UBE2W: variants seen among roughly 807,000 people sequenced by gnomAD.
The protein encoded by UBE2W is ubiquitin conjugating enzyme E2 W, also known as ubiquitin-conjugating enzyme E2 W.
Under a neutral mutation model 27.2 loss-of-function variants are expected in UBE2W, and 18 were observed. The ratio of observed to expected loss-of-function variants is 0.66; its 90% CI spans 0.46 to 0.98. UBE2W has a LOEUF of 0.98. Among genes scored for constraint, UBE2W ranks in the 50% least tolerant of loss-of-function variants. The probability of loss-of-function intolerance (pLI) is 0.00; values close to 1 mark genes in which losing one functional copy is unlikely to be tolerated. For missense variants in UBE2W, 90 were observed against 180.2 expected (o/e 0.50, Z 2.87); for synonymous variants, 53 against 57.2 (o/e 0.93, Z 0.33).
chr8:73,858,872 TTGCG>T (rs1255076026), intron 1 of UBE2W, among the ~76,000 whole-genome samples: 7 of 110,428 alleles, frequency 6.3e-5, no homozygotes, highest in African/African-American at 2.5e-4. Context: ...AGGGGGGTTT[TTGCG>T]TGCGTGTGTG....
chr8:73,785,705 C>A (rs1043334004), downstream of UBE2W, among the ~76,000 whole-genome samples: 1 of 152,162 alleles, frequency 6.6e-6, no homozygotes, highest in South Asian at 2.1e-4. Flanking sequence ...TATTCTCCTG[C>A]CTCAGCCTCC....
intron 1 of UBE2W, among the ~76,000 whole-genome samples, chr8:73,878,284 T>G (rs1812322258): frequency 6.6e-6 from 1 of 152,130 alleles, no homozygotes; most frequent in Non-Finnish European, 1.5e-5. Context: ...CCGAGCAGTC[T>G]GGGGGGCCCG....
chr8:73,838,675 G>A (rs1178261320), intron 1 of UBE2W, among the ~76,000 whole-genome samples: 1 of 152,194 alleles, frequency 6.6e-6, no homozygotes, highest in Non-Finnish European at 1.5e-5. Context: ...CCCTATGACT[G>A]GGAGTTACTA....
chr8:73,830,161 A>G (rs975033310), intron 2 of UBE2W, among the ~76,000 whole-genome samples: 2 of 152,162 alleles, frequency 1.3e-5, no homozygotes, highest in African/African-American at 4.8e-5. Context: ...TGTACCAAAG[A>G]TAGTTTAAAA....
chr8:73,792,444 C>A lies in UBE2W; in HGVS notation c.*1658G>T. On this transcript the variant is annotated 3_prime_UTR_variant, in exon 6 of 6. Transcript: ENST00000602593. Reference sequence around the variant, plus strand: ...ATACTTTGAGTGTAAAATTATATGCCCTTAATTAACAACATGTACAAAGCT... The same window carrying A: ...ATACTTTGAGTGTAAAATTATATGCACTTAATTAACAACATGTACAAAGCT... The A allele has an allele frequency of 1.0e-6, 1 of 984,914 alleles. No individual in the cohort carries two copies. The highest frequency in any genetic ancestry group is 1.2e-6 in the Non-Finnish European group (1 of 829,658). The allele number at this position is 984,914 out of a possible 1,614,324, so 61.0% of individuals were successfully genotyped here.
chr8:73,844,292 C>T (rs202125411), intron 1 of UBE2W, among the ~76,000 whole-genome samples: 1 of 151,632 alleles, frequency 6.6e-6, no homozygotes, highest in African/African-American at 2.4e-5. Flanking sequence ...GGATTGCAGG[C>T]GCGCGCCGCC....
chr8:73,811,309 C>G (rs573321418), intron 3 of UBE2W, among the ~76,000 whole-genome samples: 1 of 152,252 alleles, frequency 6.6e-6, no homozygotes, highest in East Asian at 1.9e-4. Context: ...TCTATCATGT[C>G]TCAGCAATGT....
intron 1 of UBE2W, among the ~76,000 whole-genome samples, chr8:73,864,701 C>G (rs1357602416): frequency 1.6e-5 from 2 of 128,904 alleles, no homozygotes; most frequent in African/African-American, 6.2e-5. Context: ...CTCAGCCTCC[C>G]GAGTAGCTGG....
At chr8:73,808,368 G>A (rs1250425262) in intron 4 of UBE2W, among the ~76,000 whole-genome samples, 3 of 152,162 alleles carry the variant, frequency 2.0e-5, no homozygotes, top group Non-Finnish European at 4.4e-5. Context: ...CCAAGTAGCT[G>A]GGACTACAGG....
chr8:73,818,153 T>C (rs1012571931), intron 3 of UBE2W, among the ~76,000 whole-genome samples: 1 of 152,228 alleles, frequency 6.6e-6, no homozygotes, highest in Non-Finnish European at 1.5e-5. Flanking sequence ...AGCATACAAT[T>C]CACACTTCAG....
At chr8:73,802,923 T>C (rs1463861195) in intron 5 of UBE2W, among the ~76,000 whole-genome samples, 3 of 152,158 alleles carry the variant, frequency 2.0e-5, no homozygotes, top group Non-Finnish European at 2.9e-5. Flanking sequence ...CGCGGGAGGC[T>C]GAGGCAGGAG....
At chr8:73,870,201 A>G (rs1310848538) in intron 1 of UBE2W, 2 of 1,502,770 alleles carry the variant, frequency 1.3e-6, no homozygotes, top group Non-Finnish European at 1.8e-6. Flanking sequence ...ATGGACTTTA[A>G]TAGCTCACAA....
At chr8:73,858,877 T>A (rs1256545359) in intron 1 of UBE2W, among the ~76,000 whole-genome samples, 1 of 74,314 alleles carries the variant, frequency 1.3e-5, no homozygotes, top group Admixed American at 1.8e-4. Flanking sequence ...GGTTTTTGCG[T>A]GCGTGTGTGT....
Position 73,791,920 on chromosome 8 carries a change from A to G in UBE2W, c.*2182T>C. On this transcript the variant is annotated 3_prime_UTR_variant, in exon 6 of 6. Coordinates refer to ENST00000602593, the MANE Select transcript of UBE2W (RefSeq NM_018299.6). ...ATAAAAAACTCAATTGAGGCTATAT[A>G]TGACCTATTACTCTATAGTATAGCA... The G allele has an allele frequency of 1.0e-6, 1 of 985,030 alleles. No individual in the cohort carries two copies. Among genetic ancestry groups the G allele is most frequent in the Non-Finnish European group, 1.2e-6 (1 of 829,546 alleles). The allele number at this position is 985,030 out of a possible 1,614,324, so 61.0% of individuals were successfully genotyped here.
intron 4 of UBE2W, among the ~76,000 whole-genome samples, chr8:73,809,265 C>T (rs1809051227): frequency 6.6e-6 from 1 of 152,248 alleles, no homozygotes; most frequent in South Asian, 2.1e-4. Flanking sequence ...AATAACCTAT[C>T]ATTAAAAAAT....
intron 1 of UBE2W, among the ~76,000 whole-genome samples, chr8:73,853,218 A>G (rs1043368161): frequency 6.6e-6 from 1 of 152,208 alleles, no homozygotes; most frequent in African/African-American, 2.4e-5. Context: ...TGTAAGGATT[A>G]AATTTCTGTT....
rs1299614995 is a variant in UBE2W at position 73,792,559 on chromosome 8, A to C, written c.*1543T>G. The C allele has an allele frequency of 3.0e-6, 3 of 985,636 alleles. No individual in the cohort carries two copies. The highest frequency in any genetic ancestry group is 2.4e-6 in the Non-Finnish European group (2 of 829,838). 61.1% of individuals were successfully genotyped at this position (985,636 alleles called of 1,614,324 possible). The stretch of plus-strand genomic sequence containing the variant: ...TGGTTTTACTGGGGTACGTATTTCA[A>C]ACCTTTCAGCCAACTGGCTTTCAGT... On this transcript the variant is annotated 3_prime_UTR_variant, in exon 6 of 6. Transcript: ENST00000602593.
intron 4 of UBE2W, among the ~76,000 whole-genome samples, chr8:73,807,252 C>G (rs1418668846): frequency 6.6e-6 from 1 of 152,196 alleles, no homozygotes; most frequent in African/African-American, 2.4e-5. Flanking sequence ...AGACTTAAAT[C>G]TGCTTAGCTA....
intron 1 of UBE2W, among the ~76,000 whole-genome samples, chr8:73,870,022 G>A (rs1811936586): frequency 6.6e-6 from 1 of 152,200 alleles, no homozygotes; most frequent in Non-Finnish European, 1.5e-5. Context: ...GGGAGTGACT[G>A]CTAATGGATA....
Sources: gnomAD v4.1 joint callset for allele counts (sites outside exome capture counted in the v4.1 genomes callset) on GRCh38, gnomAD v4.1.1 for gene constraint, MANE v1.5 for transcripts, NCBI Gene and HGNC (gene_info 2026-07-23, HGNC 2026-07-21) for gene names.